Variants in CDK14 observed in about 807,000 individuals in gnomAD.
CDK14 encodes the protein cyclin dependent kinase 14.
Under a neutral mutation model 60.7 loss-of-function variants are expected in CDK14, and 34 were observed. The ratio of observed to expected loss-of-function variants is 0.56; its 90% confidence interval spans 0.43 to 0.75. The LOEUF (loss-of-function observed/expected upper bound fraction) is 0.75. Ranked by LOEUF, CDK14 falls within the 30% of genes least tolerant of loss-of-function variation. The probability of loss-of-function intolerance (pLI) is 0.00; values close to 1 mark genes in which losing one functional copy is unlikely to be tolerated. For synonymous variants in CDK14, 197 were observed against 203.7 expected (o/e 0.97, Z 0.28); for missense variants, 482 against 564.1 (o/e 0.85, Z 1.47).
At chr7:90,884,307 C>A (rs1791872489) in intron 6 of CDK14, among the ~76,000 whole-genome samples, 1 of 152,000 alleles carries the variant, frequency 6.6e-6, no homozygotes, top group Non-Finnish European at 1.5e-5. Context: ...AGCAGACAGC[C>A]AAATCATGAA....
chr7:90,955,844 T>G, intron 9 of CDK14, 27 bp downstream of exon 9: 1 of 1,610,816 alleles, frequency 6.2e-7, no homozygotes, highest in South Asian at 1.1e-5. Context: ...TTACTCTAGC[T>G]AATCTATCTG....
intron 3 of CDK14, among the ~76,000 whole-genome samples, chr7:90,737,772 G>A (rs560509374): frequency 6.6e-6 from 1 of 152,288 alleles, no homozygotes; most frequent in East Asian, 1.9e-4. Context: ...GGTTCTGATT[G>A]AATCCTTCCT....
At chr7:91,037,191 C>T (rs113562732) in intron 10 of CDK14, among the ~76,000 whole-genome samples, 1,571 of 152,290 alleles carry the variant, frequency 0.01, 22 homozygotes, top group African/African-American at 0.034. Flanking sequence ...TTAGGTTCAG[C>T]CAGTTGTTCA....
At chr7:90,811,872 A>G (rs1439211058) in intron 5 of CDK14, among the ~76,000 whole-genome samples, 1 of 152,258 alleles carries the variant, frequency 6.6e-6, no homozygotes, top group African/African-American at 2.4e-5. Flanking sequence ...AAAAATGCTC[A>G]TCATCACTGG....
chr7:90,830,532 G>C (rs565742202), intron 5 of CDK14, among the ~76,000 whole-genome samples: 1 of 152,266 alleles, frequency 6.6e-6, no homozygotes, highest in South Asian at 2.1e-4. Context: ...CCCTGGATAC[G>C]TTTTCCCCAT....
At chr7:90,928,017 C>CT (rs144217988) in intron 8 of CDK14, among the ~76,000 whole-genome samples, 23,618 of 152,128 alleles carry the variant, frequency 0.16, 2,109 homozygotes, top group Middle Eastern at 0.27. Context: ...GCTACTAAAG[C>CT]TTGTGCATGT....
At chr7:90,643,931 C>T (rs1230918055) in intron 2 of CDK14, among the ~76,000 whole-genome samples, 2 of 152,194 alleles carry the variant, frequency 1.3e-5, no homozygotes, top group Non-Finnish European at 2.9e-5. Flanking sequence ...TGAATTGTTT[C>T]TCCCTTCAAA....
At chr7:90,790,705 C>A in intron 5 of CDK14, 53 bp downstream of exon 5, 1 of 1,171,796 alleles carries the variant, frequency 8.5e-7, no homozygotes, top group Non-Finnish European at 1.3e-6. Flanking sequence ...GTCCCCGTAG[C>A]TATTTTAATA....
intron 10 of CDK14, among the ~76,000 whole-genome samples, chr7:91,008,153 A>AAAC (rs1796044393): frequency 6.6e-6 from 1 of 150,604 alleles, no homozygotes; most frequent in Non-Finnish European, 1.5e-5. Flanking sequence ...AAACAAACAA[A>AAAC]AAAAAACAGT....
chr7:90,763,322 A>G (rs1023771802), intron 4 of CDK14, among the ~76,000 whole-genome samples: 6 of 152,122 alleles, frequency 3.9e-5, no homozygotes, highest in Non-Finnish European at 8.8e-5. Flanking sequence ...GAAGCTGCCA[A>G]TATTTCAAGG....
intron 10 of CDK14, among the ~76,000 whole-genome samples, chr7:90,994,602 C>A (rs555147247): frequency 2.6e-5 from 4 of 152,218 alleles, no homozygotes; most frequent in South Asian, 4.2e-4. Flanking sequence ...TAGGGAAAAA[C>A]TCCAGGAAAC....
At chr7:90,844,684 T>A (rs1023862541) in intron 5 of CDK14, among the ~76,000 whole-genome samples, 2 of 152,184 alleles carry the variant, frequency 1.3e-5, no homozygotes, top group Non-Finnish European at 2.9e-5. Context: ...CTCTCTGCAG[T>A]CAACAAATGA....
rs924198602 is a variant in CDK14 at position 91,050,941 on chromosome 7, A to G, written c.1105+4981A>G. On this transcript the variant is annotated intron_variant, in intron 11 of 14. Transcript: ENST00000380050. ...CTTAGTTGAGTGTGCTTTTGCTTTT[A>G]CTTTTGTTTTCCAGCCTCCATTATG... 2.0e-5 allele frequency among the ~76,000 whole-genome samples: 3 copies of G among 152,158 alleles called. No homozygotes were observed. The East Asian group carries it at 5.8e-4, about 29-fold the overall frequency.
chr7:90,748,533 A>T (rs1214922746), intron 4 of CDK14, among the ~76,000 whole-genome samples: 1 of 152,234 alleles, frequency 6.6e-6, no homozygotes, highest in Non-Finnish European at 1.5e-5. Flanking sequence ...GATGTTGCAA[A>T]ATAATTTTCT....
At chr7:91,202,622 C>T (rs1022000623) in intron 14 of CDK14, among the ~76,000 whole-genome samples, 2 of 152,186 alleles carry the variant, frequency 1.3e-5, no homozygotes, top group African/African-American at 2.4e-5. Context: ...GCAAATCTGA[C>T]CTACCTTATA....
At chr7:90,796,594 A>AT (rs1276604241) in intron 5 of CDK14, among the ~76,000 whole-genome samples, 1 of 152,174 alleles carries the variant, frequency 6.6e-6, no homozygotes, top group Non-Finnish European at 1.5e-5. Flanking sequence ...TGTAGAATTT[A>AT]TATTGTTTAT....
At chr7:91,065,672 G>A (rs1209175786) in intron 11 of CDK14, among the ~76,000 whole-genome samples, 2 of 152,304 alleles carry the variant, frequency 1.3e-5, no homozygotes, top group East Asian at 3.9e-4. Context: ...GTGAATACTT[G>A]TGAGTGTAGC....
intron 12 of CDK14, among the ~76,000 whole-genome samples, chr7:91,091,501 T>TTATTTATATATA (rs1798822441): frequency 1.1e-5 from 1 of 88,972 alleles, no homozygotes; most frequent in African/African-American, 4.3e-5. Flanking sequence ...TTTATATATT[T>TTATTTATATATA]TATATATATA....
chr7:90,604,078 A>G, intron 1 of CDK14, 140 bp from the exon 2 acceptor site: 1 of 589,250 alleles, frequency 1.7e-6, no homozygotes, highest in South Asian at 2.0e-5. Context: ...TTGTATCATA[A>G]CATTGTTATT....
Sources: allele counts gnomAD v4.1 joint callset (sites outside exome capture counted in the v4.1 genomes callset), GRCh38; gene constraint gnomAD v4.1.1; transcripts MANE v1.5; gene names NCBI Gene and HGNC (gene_info 2026-07-23, HGNC 2026-07-21).